Variants in MAD1L1 observed in about 807,000 individuals in gnomAD.
The protein encoded by MAD1L1 is mitotic arrest deficient 1 like 1.
In MAD1L1, 95 loss-of-function variants were observed where a neutral mutation model predicts 96.9. That is an observed-to-expected ratio of 0.98 (90% CI 0.83 to 1.16). The LOEUF is 1.16. Ranked by LOEUF, MAD1L1 falls within the 50% of genes most tolerant of loss-of-function variation. The pLI is 0.00. For synonymous variants in MAD1L1, 473 were observed against 396.6 expected, an observed-to-expected ratio of 1.19 and a Z score of -2.29; for missense variants, 1,007 against 954.4, an observed-to-expected ratio of 1.06 and a Z score of -0.73.
chr7:1,842,791 G>T (rs1452683464), intron 18 of MAD1L1, among the ~76,000 whole-genome samples: 1 of 152,256 alleles, frequency 6.6e-6, no homozygotes, highest in Non-Finnish European at 1.5e-5. Context: ...GGGAGGGTGG[G>T]CAGGGCCTCT....
chr7:2,221,066 C>G, intron 5 of MAD1L1: 1 of 1,596,470 alleles, frequency 6.3e-7, no homozygotes. Context: ...GCAGGGAGGG[C>G]TTCCCTGAGG....
chr7:2,184,352 A>G (rs1035314800), intron 10 of MAD1L1, among the ~76,000 whole-genome samples: 1 of 152,212 alleles, frequency 6.6e-6, no homozygotes, highest in Non-Finnish European at 1.5e-5. Context: ...AAAGTCGGTA[A>G]CGCCACACAA....
At chr7:2,045,315 A>G (rs909792573) in intron 12 of MAD1L1, among the ~76,000 whole-genome samples, 4 of 151,770 alleles carry the variant, frequency 2.6e-5, no homozygotes, top group Non-Finnish European at 5.9e-5. Context: ...CCACGTCCCT[A>G]TGAGAGTCCC....
chr7:2,056,648 C>T (rs186642010), intron 12 of MAD1L1, among the ~76,000 whole-genome samples: 3 of 152,260 alleles, frequency 2.0e-5, no homozygotes, highest in South Asian at 2.1e-4. Flanking sequence ...AGAGCTCCCA[C>T]GGGCTCCCAC....
intron 10 of MAD1L1, among the ~76,000 whole-genome samples, chr7:2,210,609 C>T (rs1327771492): frequency 6.6e-6 from 1 of 152,160 alleles, no homozygotes; most frequent in Non-Finnish European, 1.5e-5. Context: ...CACCACCCCA[C>T]TGACGTCCAG....
intron 12 of MAD1L1, among the ~76,000 whole-genome samples, chr7:2,066,250 C>T (rs900900112): frequency 1.1e-4 from 16 of 152,214 alleles, no homozygotes; most frequent in African/African-American, 3.9e-4. Flanking sequence ...TGAGAGAAGG[C>T]GCTCCTCGAC....
At chr7:1,921,478 G>A (rs948859520) in intron 17 of MAD1L1, among the ~76,000 whole-genome samples, 3 of 152,016 alleles carry the variant, frequency 2.0e-5, no homozygotes, top group Non-Finnish European at 2.9e-5. Flanking sequence ...ACACCCTCCC[G>A]CCACGCCTGG....
At chr7:2,154,488 A>G (rs1045726236) in intron 10 of MAD1L1, among the ~76,000 whole-genome samples, 6 of 152,212 alleles carry the variant, frequency 3.9e-5, no homozygotes, top group Non-Finnish European at 8.8e-5. Context: ...AGAGAACCAG[A>G]ATTTTTCCCA....
intron 14 of MAD1L1, chr7:1,980,928 A>T: frequency 2.7e-6 from 1 of 367,660 alleles, no homozygotes; most frequent in Non-Finnish European, 5.4e-6. Flanking sequence ...TCCTCTACAG[A>T]ACAGCGTGAG....
chr7:2,134,317 C>G (rs779908071), intron 11 of MAD1L1, among the ~76,000 whole-genome samples: 1 of 152,192 alleles, frequency 6.6e-6, no homozygotes, highest in African/African-American at 2.4e-5. Context: ...CACAGGAAAG[C>G]AGCTGACGGC....
At chr7:1,880,624 G>C (rs754439646) in intron 18 of MAD1L1, among the ~76,000 whole-genome samples, 1 of 152,104 alleles carries the variant, frequency 6.6e-6, no homozygotes, top group African/African-American at 2.4e-5. Context: ...CCCATCTCAG[G>C]GGCCCCACAC....
intron 14 of MAD1L1, among the ~76,000 whole-genome samples, chr7:1,995,879 G>A (rs938769836): frequency 1.6e-4 from 24 of 152,216 alleles, no homozygotes; most frequent in East Asian, 1.2e-3. Context: ...GTAGCACTTC[G>A]TCGTGGAGCA....
chr7:2,123,969 C>CGG (rs3839699), intron 11 of MAD1L1, among the ~76,000 whole-genome samples: 27,580 of 152,156 alleles, frequency 0.18, 6,372 homozygotes, highest in African/African-American at 0.54. Context: ...CAGCAAGGGG[C>CGG]GGGGGCTTAG....
chr7:2,215,903 G>T lies in MAD1L1; in HGVS notation c.906C>A (p.Gly302=). Reference sequence around the variant, plus strand: ...CCCTCACCTCGTTCTCCAGCTCCAAGCCAACCAGCGTCTCCTGCATCTTCT... The same window carrying T: ...CCCTCACCTCGTTCTCCAGCTCCAATCCAACCAGCGTCTCCTGCATCTTCT... ...RQEKMQETLV[G]LELENERLLA... is the part of the protein sequence containing the mutation. The change falls in exon 9 of 19, where the codon GGC becomes GGA. Residue 302 remains glycine (G), a synonymous_variant. Transcript: ENST00000265854. 6.2e-7 allele frequency: 1 copy of T among 1,614,182 alleles called. No individual in the cohort carries two copies. Among genetic ancestry groups the T allele is most frequent in the South Asian group, 1.1e-5 (1 of 91,084 alleles).
At chr7:1,947,330 C>T (rs1353676889) in intron 16 of MAD1L1, among the ~76,000 whole-genome samples, 2 of 152,212 alleles carry the variant, frequency 1.3e-5, no homozygotes, top group African/African-American at 4.8e-5. Context: ...GACGCGCATG[C>T]CGAGAGCAGA....
chr7:1,901,572 G>C (rs1787245238), intron 17 of MAD1L1, among the ~76,000 whole-genome samples: 1 of 152,232 alleles, frequency 6.6e-6, no homozygotes, highest in Admixed American at 6.5e-5. Context: ...AGCCTTCAGC[G>C]CTCCCATCCC....
chr7:1,927,613 G>T (rs553833950), intron 17 of MAD1L1, among the ~76,000 whole-genome samples: 2 of 152,226 alleles, frequency 1.3e-5, no homozygotes, highest in African/African-American at 4.8e-5. Context: ...AATAATAATG[G>T]CACAATTGGA....
intron 11 of MAD1L1, among the ~76,000 whole-genome samples, chr7:2,078,479 C>G (rs1785485615): frequency 6.6e-6 from 1 of 152,228 alleles, no homozygotes; most frequent in South Asian, 2.1e-4. Flanking sequence ...CGCGGCTGAG[C>G]CAGGAGATGC....
At chr7:1,887,860 C>CGCGTGTGTGTGTGGCTGCCTGG (rs1562491920) in intron 18 of MAD1L1, among the ~76,000 whole-genome samples, 8 of 18,462 alleles carry the variant, frequency 4.3e-4, no homozygotes, top group African/African-American at 2.3e-3. Flanking sequence ...TGTGTGTGTG[C>CGCGTGTGTGTGTGGCTGCCTGG]ACGTGTGTGT....
Sources: gnomAD v4.1 joint callset for allele counts (sites outside exome capture counted in the v4.1 genomes callset) on GRCh38, gnomAD v4.1.1 for gene constraint, MANE v1.5 for transcripts, NCBI Gene and HGNC (gene_info 2026-07-23, HGNC 2026-07-21) for gene names.